Variants in GATAD2B observed in about 807,000 individuals in gnomAD.
The protein encoded by GATAD2B is transcriptional repressor p66-beta.
A neutral mutation model predicts 64.3 loss-of-function variants in GATAD2B; 8 were observed. That is an observed-to-expected ratio of 0.12 (90% confidence interval 0.07 to 0.22). The LOEUF (loss-of-function observed/expected upper bound fraction) is 0.22, where lower values mean the gene tolerates loss of function less well. GATAD2B is among the 10% of genes least tolerant of loss of function. GATAD2B has a pLI of 1.00. For missense variants in GATAD2B, 453 were observed against 752.0 expected, an observed-to-expected ratio of 0.60 and a Z score of 4.65; for synonymous variants, 281 against 271.3, an observed-to-expected ratio of 1.04 and a Z score of -0.35.
chr1:153,886,594 C>T (rs1321378712), intron 1 of GATAD2B: 1 of 135,722 alleles, frequency 7.4e-6, no homozygotes, highest in Admixed American at 8.6e-5. Context: ...GTGGCGCTAT[C>T]TCAGCTTAGT....
chr1:153,804,756 T>C lies in GATAD2B; in HGVS notation c.*5421A>G, dbSNP rs1413442842. On this transcript the variant is annotated 3_prime_UTR_variant, in exon 11 of 11. Transcript: ENST00000368655. The stretch of plus-strand genomic sequence containing the variant: ...AAACCATTCCTTTCTTTATTAAACA[T>C]AGCTTGCAAGTGATAAATATTACAA... The C allele has an allele frequency of 6.6e-6, 1 of 152,638 alleles. No homozygotes were observed. The highest frequency in any genetic ancestry group is 6.5e-5 in the Admixed American group (1 of 15,276). The allele number at this position is 152,638 out of a possible 1,614,324, so 9.5% of individuals were successfully genotyped here.
chr1:153,852,501 G>A, intron 1 of GATAD2B: 1 of 764,306 alleles, frequency 1.3e-6, no homozygotes, highest in Non-Finnish European at 2.4e-6. Flanking sequence ...GATGTGCTCT[G>A]CACAGTGGGA....
At chr1:153,904,165 A>G (rs1571003534) in intron 1 of GATAD2B, among the ~76,000 whole-genome samples, 1 of 152,164 alleles carries the variant, frequency 6.6e-6, no homozygotes, top group Middle Eastern at 3.4e-3. Context: ...CTGTAATCCC[A>G]GCTACTTGGA....
At chr1:153,922,253 C>A (rs1219434540) in intron 1 of GATAD2B, among the ~76,000 whole-genome samples, 1 of 150,758 alleles carries the variant, frequency 6.6e-6, no homozygotes, top group Admixed American at 6.6e-5. Context: ...GAGCGGCCCC[C>A]GCACCCTGAG....
rs189824888 is a variant in GATAD2B at position 153,868,119 on chromosome 1, C to T, written c.-1-39771G>A. Reference sequence around the variant, plus strand: ...AGGAGGCTGAGGCAGAAGAACTGCTCGAACCCGGGAGGGAGGAGGTTGCAT... The same window carrying T: ...AGGAGGCTGAGGCAGAAGAACTGCTTGAACCCGGGAGGGAGGAGGTTGCAT... On this transcript the variant is annotated intron_variant, in intron 1 of 10. Coordinates refer to ENST00000368655, the MANE Select transcript of GATAD2B (RefSeq NM_020699.4). Among the ~76,000 whole-genome samples, 118 of 151,844 alleles carry T rather than the reference C, an allele frequency of 7.8e-4. 1 individual carries two copies. Among genetic ancestry groups the T allele is most frequent in the African/African-American group, 2.6e-3 (109 of 41,376 alleles).
At chr1:153,814,570 T>G (rs1674391434) in intron 7 of GATAD2B, among the ~76,000 whole-genome samples, 1 of 151,862 alleles carries the variant, frequency 6.6e-6, no homozygotes, top group Non-Finnish European at 1.5e-5. Flanking sequence ...GCCAGGAGTT[T>G]GAGACCAGCC....
In GATAD2B at chr1:153,831,313, A is replaced by G. The variant is rs1440880651; in HGVS notation, c.-1-2965T>C. Among the ~76,000 whole-genome samples the G allele has an allele frequency of 3.3e-5, 5 of 152,276 alleles. No homozygotes were observed. The East Asian group carries it at 9.7e-4, about 29-fold the overall frequency. ...GAACACATGGACACAGGAAGGGGGA[A>G]CATCACACACCTGGGTCTGTTGGGG... On this transcript the variant is annotated intron_variant, in intron 1 of 10. Coordinates refer to ENST00000368655, the MANE Select transcript of GATAD2B (RefSeq NM_020699.4).
At chr1:153,912,307 C>T (rs948092320) in intron 1 of GATAD2B, among the ~76,000 whole-genome samples, 1 of 152,086 alleles carries the variant, frequency 6.6e-6, no homozygotes, top group Admixed American at 6.6e-5. Flanking sequence ...AAGGTGAAGG[C>T]TAAGTTGGTT....
chr1:153,911,788 A>T (rs1678115869), intron 1 of GATAD2B, among the ~76,000 whole-genome samples: 1 of 152,100 alleles, frequency 6.6e-6, no homozygotes, highest in Non-Finnish European at 1.5e-5. Flanking sequence ...AGCCTTCTTC[A>T]CTCAATTTAT....
chr1:153,885,863 CAA>C (rs778577435), intron 1 of GATAD2B, among the ~76,000 whole-genome samples: 14 of 53,642 alleles, frequency 2.6e-4, no homozygotes, highest in Non-Finnish European at 2.9e-4. Flanking sequence ...ACTCCGTCTC[CAA>C]AAAAAAAAAA....
chr1:153,909,003 C>T (rs1001419400), intron 1 of GATAD2B, among the ~76,000 whole-genome samples: 3 of 151,730 alleles, frequency 2.0e-5, no homozygotes, highest in African/African-American at 7.3e-5. Flanking sequence ...GAGTTCGAGA[C>T]CTGCCTGGAC....
At chr1:153,851,580 T>C (rs1224519759) in intron 1 of GATAD2B, among the ~76,000 whole-genome samples, 4 of 152,182 alleles carry the variant, frequency 2.6e-5, no homozygotes, top group Non-Finnish European at 5.9e-5. Context: ...TATGTCTTCT[T>C]TGGAGAATGT....
At chr1:153,870,468 G>A (rs754184257) in intron 1 of GATAD2B, among the ~76,000 whole-genome samples, 2 of 152,122 alleles carry the variant, frequency 1.3e-5, no homozygotes, top group Non-Finnish European at 2.9e-5. Context: ...AGCTACTCAG[G>A]AGGCTGAGGC....
intron 1 of GATAD2B, among the ~76,000 whole-genome samples, chr1:153,905,730 G>T (rs1677905684): frequency 7.3e-6 from 1 of 136,552 alleles, no homozygotes; most frequent in Admixed American, 7.9e-5. Context: ...CCAGGAGTTT[G>T]AAACCATGCC....
At chr1:153,862,110 A>C (rs1002309792) in intron 1 of GATAD2B, among the ~76,000 whole-genome samples, 2 of 143,426 alleles carry the variant, frequency 1.4e-5, no homozygotes, top group Non-Finnish European at 3.0e-5. Flanking sequence ...TTTTACATAC[A>C]TTATATCCTT....
At chr1:153,892,128 G>A in intron 1 of GATAD2B, among the ~76,000 whole-genome samples, 1 of 135,488 alleles carries the variant, frequency 7.4e-6, no homozygotes. Flanking sequence ...TCATTTCACT[G>A]CACTCTAGCC....
intron 2 of GATAD2B, among the ~76,000 whole-genome samples, chr1:153,826,194 G>A (rs1281405548): frequency 1.3e-5 from 2 of 152,012 alleles, no homozygotes; most frequent in East Asian, 4.0e-4. Flanking sequence ...TAGTAGAGAC[G>A]GGGTTTCACG....
chr1:153,830,482 AT>A (rs759668284), intron 1 of GATAD2B, among the ~76,000 whole-genome samples: 1 of 132,586 alleles, frequency 7.5e-6, no homozygotes. Context: ...TTATTTATTT[AT>A]TTTTTTTTTT....
chr1:153,883,520 T>G (rs1677067337), intron 1 of GATAD2B, among the ~76,000 whole-genome samples: 2 of 152,228 alleles, frequency 1.3e-5, no homozygotes, highest in Admixed American at 1.3e-4. Context: ...ATGATAAATG[T>G]CGCAAGCAAA....
Sources: gnomAD v4.1 joint callset for allele counts (sites outside exome capture counted in the v4.1 genomes callset) on GRCh38, gnomAD v4.1.1 for gene constraint, MANE v1.5 for transcripts, NCBI Gene and HGNC (gene_info 2026-07-23, HGNC 2026-07-21) for gene names.